Variants in BLK observed in about 807,000 individuals in gnomAD.
BLK encodes the protein BLK proto-oncogene, Src family tyrosine kinase.
A neutral mutation model predicts 61.8 loss-of-function variants in BLK; 64 were observed. The ratio of observed to expected loss-of-function variants is 1.03; its 90% CI spans 0.85 to 1.27. BLK has a LOEUF of 1.27. Ranked by LOEUF, BLK falls within the 50% of genes most tolerant of loss-of-function variation. The pLI, the probability that BLK is intolerant of heterozygous loss-of-function variation, is 0.00. For missense variants in BLK, 853 were observed against 660.5 expected (o/e 1.29, Z -3.19); for synonymous variants, 351 against 272.0 (o/e 1.29, Z -2.86).
intron 1 of BLK, among the ~76,000 whole-genome samples, chr8:11,503,721 T>A (rs1317781048): frequency 1.3e-5 from 2 of 152,156 alleles, no homozygotes; most frequent in Non-Finnish European, 2.9e-5. Flanking sequence ...TGGAGGTTCC[T>A]ATGTGCAGGT....
chr8:11,560,396 T>C (rs899824894), intron 10 of BLK: 2 of 210,652 alleles, frequency 9.5e-6, no homozygotes, highest in African/African-American at 2.8e-5. Flanking sequence ...GATGGATGCA[T>C]GGATGGATGG....
intron 1 of BLK, among the ~76,000 whole-genome samples, chr8:11,540,898 G>C (rs1800345787): frequency 6.7e-6 from 1 of 150,216 alleles, no homozygotes; most frequent in African/African-American, 2.4e-5. Context: ...CTGTTACAAA[G>C]CCAGCGCACC....
chr8:11,512,608 C>G (rs1179314417), intron 1 of BLK, among the ~76,000 whole-genome samples: 1 of 152,184 alleles, frequency 6.6e-6, no homozygotes, highest in African/African-American at 2.4e-5. Flanking sequence ...GCCATTGAGG[C>G]TCAGAGAGAT....
chr8:11,519,540 A>T (rs1051395902), intron 1 of BLK, among the ~76,000 whole-genome samples: 1 of 152,240 alleles, frequency 6.6e-6, no homozygotes, highest in Non-Finnish European at 1.5e-5. Flanking sequence ...ATGGTACAGT[A>T]TTAAGTAATA....
chr8:11,535,992 C>G (rs1436998407), intron 1 of BLK, among the ~76,000 whole-genome samples: 1 of 152,182 alleles, frequency 6.6e-6, no homozygotes, highest in Non-Finnish European at 1.5e-5. Context: ...TTAAAGGAAA[C>G]CTAAGACGTT....
intron 1 of BLK, among the ~76,000 whole-genome samples, chr8:11,532,414 T>C (rs1204068018): frequency 4.6e-5 from 7 of 150,706 alleles, no homozygotes; most frequent in African/African-American, 1.7e-4. Context: ...TTTCACCATG[T>C]TGGCCAGGCT....
chr8:11,547,551 C>T (rs970173517), intron 3 of BLK, among the ~76,000 whole-genome samples: 3 of 152,208 alleles, frequency 2.0e-5, no homozygotes, highest in African/African-American at 7.2e-5. Flanking sequence ...GCTCTGGGCA[C>T]AGACAGTGGA....
At chr8:11,563,817 C>A in intron 12 of BLK, 86 bp from the exon 13 acceptor site, 2 of 1,332,998 alleles carry the variant, frequency 1.5e-6, no homozygotes, top group Admixed American at 2.1e-5. Flanking sequence ...TTGCCTGGGC[C>A]CACTGTGCCC....
intron 1 of BLK, among the ~76,000 whole-genome samples, chr8:11,506,718 T>C (rs1798781629): frequency 6.6e-6 from 1 of 152,172 alleles, no homozygotes; most frequent in Admixed American, 6.5e-5. Flanking sequence ...CATCAGTCCA[T>C]GCAGGGGGCT....
At chr8:11,507,497 G>T (rs1486922013) in intron 1 of BLK, among the ~76,000 whole-genome samples, 1 of 152,198 alleles carries the variant, frequency 6.6e-6, no homozygotes, top group African/African-American at 2.4e-5. Flanking sequence ...GAGGGCTTTT[G>T]GGAGCTTTTA....
At chr8:11,556,576 A>T (rs1801234817) in intron 8 of BLK, 82 bp from the exon 9 acceptor site, 2 of 1,560,062 alleles carry the variant, frequency 1.3e-6, no homozygotes, top group Non-Finnish European at 8.8e-7. Flanking sequence ...GCACCTGGGC[A>T]CTTACCCCGA....
chr8:11,546,253 C>G (rs1325869311), intron 3 of BLK, 150 bp downstream of exon 3: 1 of 907,300 alleles, frequency 1.1e-6, no homozygotes, highest in Non-Finnish European at 1.8e-6. Context: ...CTCTGTGCCT[C>G]TTGGGGCGTC....
chr8:11,547,463 C>G (rs529091414), intron 3 of BLK, among the ~76,000 whole-genome samples: 11 of 152,316 alleles, frequency 7.2e-5, no homozygotes, highest in African/African-American at 2.4e-4. Context: ...GAGCCCTCTT[C>G]CTGCCTTCCA....
chr8:11,505,582 A>G (rs1259830402), intron 1 of BLK, among the ~76,000 whole-genome samples: 1 of 152,122 alleles, frequency 6.6e-6, no homozygotes, highest in African/African-American at 2.4e-5. Flanking sequence ...CCCCTTCTAG[A>G]CTGGGCAGTT....
At chr8:11,501,280 G>T (rs868047642) in intron 1 of BLK, among the ~76,000 whole-genome samples, 2 of 151,730 alleles carry the variant, frequency 1.3e-5, no homozygotes, top group African/African-American at 2.4e-5. Flanking sequence ...TATTACACAC[G>T]AAAATAGGGT....
chr8:11,561,075 G>T (rs1801485722), intron 10 of BLK: 1 of 694,068 alleles, frequency 1.4e-6, no homozygotes, highest in Non-Finnish European at 2.6e-6. Context: ...AGGGGGAGGG[G>T]CACAGGTAGC....
At chr8:11,560,871 C>T (rs767959927) in intron 10 of BLK, 41 of 463,040 alleles carry the variant, frequency 8.9e-5, no homozygotes, top group African/African-American at 4.2e-4. Context: ...AGCGACTTCC[C>T]GAGGGCCTCC....
At chr8:11,503,217 G>T (rs1798634446) in intron 1 of BLK, among the ~76,000 whole-genome samples, 1 of 152,204 alleles carries the variant, frequency 6.6e-6, no homozygotes, top group South Asian at 2.1e-4. Flanking sequence ...GCATCTAAAA[G>T]GACATTTGAT....
intron 3 of BLK, among the ~76,000 whole-genome samples, chr8:11,547,564 G>T (rs556021402): frequency 3.9e-5 from 6 of 152,358 alleles, no homozygotes; most frequent in Non-Finnish European, 1.5e-5. Context: ...ACAGTGGAGA[G>T]GCCAGGGCTC....
Sources: allele counts gnomAD v4.1 joint callset (sites outside exome capture counted in the v4.1 genomes callset), GRCh38; gene constraint gnomAD v4.1.1; transcripts MANE v1.5; gene names NCBI Gene and HGNC (gene_info 2026-07-23, HGNC 2026-07-21).